SYT14: variants seen among roughly 807,000 people sequenced by gnomAD.
The protein encoded by SYT14 is synaptotagmin-14.
SYT14 carries 32 observed loss-of-function variants against 74.2 expected under a neutral mutation model. The ratio of observed to expected loss-of-function variants is 0.43; its 90% CI spans 0.33 to 0.58. The LOEUF (loss-of-function observed/expected upper bound fraction) is 0.58. SYT14 is among the 20% of genes least tolerant of loss of function. The pLI, the probability that SYT14 is intolerant of heterozygous loss-of-function variation, is 0.05. For synonymous variants in SYT14, 298 were observed against 337.7 expected (o/e 0.88, Z 1.29); for missense variants, 791 against 981.8 (o/e 0.81, Z 2.60).
intron 2 of SYT14, among the ~76,000 whole-genome samples, chr1:209,978,037 G>A (rs892182756): frequency 6.6e-6 from 1 of 152,136 alleles, no homozygotes; most frequent in African/African-American, 2.4e-5. Context: ...TAGTTCTCGT[G>A]CCTTGGTTTT....
At chr1:210,035,888 G>A (rs558843154) in intron 5 of SYT14, among the ~76,000 whole-genome samples, 5 of 152,008 alleles carry the variant, frequency 3.3e-5, no homozygotes, top group African/African-American at 9.6e-5. Flanking sequence ...GGCTATTTGG[G>A]CTTCTTGTTG....
intron 2 of SYT14, among the ~76,000 whole-genome samples, chr1:209,953,561 T>C (rs1280836240): frequency 6.6e-6 from 1 of 152,204 alleles, no homozygotes; most frequent in African/African-American, 2.4e-5. Flanking sequence ...TAAGGAAGTT[T>C]GGAGCAGTGT....
intron 6 of SYT14, among the ~76,000 whole-genome samples, chr1:210,095,868 A>AT (rs1285935039): frequency 6.6e-6 from 1 of 151,972 alleles, no homozygotes; most frequent in Non-Finnish European, 1.5e-5. Flanking sequence ...TTATTTTATG[A>AT]TTTTTCATGA....
chr1:210,131,426 T>C (rs989520798), intron 7 of SYT14, among the ~76,000 whole-genome samples: 11 of 152,134 alleles, frequency 7.2e-5, no homozygotes, highest in African/African-American at 1.9e-4. Flanking sequence ...TGTAAATTGT[T>C]AAAGTCTTAA....
At chr1:210,072,549 T>G (rs904317538) in intron 5 of SYT14, among the ~76,000 whole-genome samples, 1 of 152,040 alleles carries the variant, frequency 6.6e-6, no homozygotes, top group African/African-American at 2.4e-5. Flanking sequence ...CTCATAGTAG[T>G]GCAGTTTCTT....
intron 2 of SYT14, among the ~76,000 whole-genome samples, chr1:209,972,477 G>T (rs898105320): frequency 2.0e-4 from 30 of 151,866 alleles, no homozygotes; most frequent in African/African-American, 7.3e-4. Context: ...ATTTAGGTAG[G>T]TGTATAGCAC....
At chr1:210,094,181 A>G (rs1420948674) in intron 5 of SYT14, 141 bp from the exon 5 acceptor site, 1 of 1,104,404 alleles carries the variant, frequency 9.1e-7, no homozygotes, top group Non-Finnish European at 1.3e-6. Context: ...CTAGGGAAAA[A>G]GAGAAGTCAT....
At chr1:209,977,920 T>C (rs2079399134) in intron 2 of SYT14, among the ~76,000 whole-genome samples, 1 of 152,240 alleles carries the variant, frequency 6.6e-6, no homozygotes, top group Non-Finnish European at 1.5e-5. Flanking sequence ...TATTCTTTTT[T>C]CTCTAAACTT....
intron 7 of SYT14, among the ~76,000 whole-genome samples, chr1:210,107,032 A>C (rs920094480): frequency 6.6e-6 from 1 of 152,214 alleles, no homozygotes; most frequent in African/African-American, 2.4e-5. Flanking sequence ...TGGCCAAAAC[A>C]AAGGGGCTAC....
At chr1:210,065,639 T>C (rs1292042246) in intron 5 of SYT14, among the ~76,000 whole-genome samples, 1 of 152,036 alleles carries the variant, frequency 6.6e-6, no homozygotes, top group Non-Finnish European at 1.5e-5. Flanking sequence ...AGGCAACTTT[T>C]TTGAAAACAT....
intron 2 of SYT14, among the ~76,000 whole-genome samples, chr1:209,993,792 A>C (rs545840820): frequency 6.6e-6 from 1 of 152,188 alleles, no homozygotes; most frequent in Admixed American, 6.5e-5. Context: ...ACTGCAGTGC[A>C]CACCTGTGAA....
intron 7 of SYT14, among the ~76,000 whole-genome samples, chr1:210,128,364 G>A (rs1369044266): frequency 3.3e-5 from 5 of 149,926 alleles, no homozygotes; most frequent in African/African-American, 9.8e-5. Flanking sequence ...GTGACAGAGC[G>A]AGACCCTGTC....
chr1:210,056,406 A>G (rs1321886090), intron 5 of SYT14, among the ~76,000 whole-genome samples: 1 of 152,124 alleles, frequency 6.6e-6, no homozygotes, highest in Non-Finnish European at 1.5e-5. Context: ...TCTAGGAGTA[A>G]GATAAAATGA....
At chr1:210,162,912 A>G (rs1345409810) in exon 10 of SYT14, 2 of 453,152 alleles carry the variant, frequency 4.4e-6, no homozygotes. Flanking sequence ...TTATTGTTAC[A>G]TCAATGAGCT....
At position 210,124,244 on chromosome 1, in the gene SYT14, G is replaced by GAA. The variant is rs67430639; in HGVS notation, c.2034+23793_2034+23794dup. ...AACCCATTAATTAGAAGACAGAAAT[G>GAA]AAAAAAAAAAATAAATAAATAACTC... is the stretch of plus-strand genomic sequence containing the variant. On this transcript the variant is annotated intron_variant, in intron 7 of 9. Transcript: ENST00000637265. 0.017 allele frequency among the ~76,000 whole-genome samples: 2,333 copies of GAA among 140,262 alleles called. 181 individuals are homozygous for GAA. The East Asian group carries it at 0.24, about 15-fold the overall frequency. The allele number at this position is 140,262 out of a possible 152,430, so 92.0% of individuals were successfully genotyped here. A position where few individuals can be genotyped will look rare whatever the true frequency, so the allele number is the denominator to read the frequency against.
intron 2 of SYT14, chr1:209,953,334 G>A: frequency 9.9e-7 from 1 of 1,012,226 alleles, no homozygotes; most frequent in Non-Finnish European, 1.3e-6. Context: ...AACCTTGGGA[G>A]TCCCCACAAC....
chr1:210,161,616 C>T (rs1020824432), exon 10 of SYT14: 2 of 453,856 alleles, frequency 4.4e-6, no homozygotes, highest in African/African-American at 4.0e-5. Flanking sequence ...CTCAGTTCCT[C>T]TCAAAAGCAC....
At chr1:209,977,496 T>A (rs2079389730) in intron 2 of SYT14, among the ~76,000 whole-genome samples, 1 of 152,180 alleles carries the variant, frequency 6.6e-6, no homozygotes, top group Non-Finnish European at 1.5e-5. Flanking sequence ...AAATTCTGGG[T>A]TGAAAATTCT....
At chr1:210,042,216 AAATT>A (rs1206243733) in intron 5 of SYT14, among the ~76,000 whole-genome samples, 2 of 152,118 alleles carry the variant, frequency 1.3e-5, no homozygotes, top group Non-Finnish European at 2.9e-5. Flanking sequence ...TAATAAAGCA[AAATT>A]AAATTTACAA....
Sources: allele counts gnomAD v4.1 joint callset (sites outside exome capture counted in the v4.1 genomes callset), GRCh38; gene constraint gnomAD v4.1.1; transcripts MANE v1.5; gene names NCBI Gene and HGNC (gene_info 2026-07-23, HGNC 2026-07-21).